Variants in RFX3 observed in about 807,000 individuals in gnomAD.
RFX3 encodes the protein regulatory factor X3, also known as transcription factor RFX3.
Under a neutral mutation model 98.6 loss-of-function variants are expected in RFX3, and 14 were observed. The ratio of observed to expected loss-of-function variants is 0.14; its 90% confidence interval spans 0.09 to 0.22. The LOEUF (loss-of-function observed/expected upper bound fraction) is 0.22, where lower values mean the gene tolerates loss of function less well. Ranked by LOEUF, RFX3 falls within the 10% of genes least tolerant of loss-of-function variation. The pLI is 1.00. For missense variants in RFX3, 639 were observed against 926.9 expected, an observed-to-expected ratio of 0.69 and a Z score of 4.03; for synonymous variants, 383 against 328.4, an observed-to-expected ratio of 1.17 and a Z score of -1.80.
At chr9:3,520,991 TA>T (rs1389500614) in intron 1 of RFX3, among the ~76,000 whole-genome samples, 2 of 152,210 alleles carry the variant, frequency 1.3e-5, no homozygotes, top group African/African-American at 4.8e-5. Context: ...ATTATCTAGA[TA>T]ATGTCAATAC....
chr9:3,298,421 G>T (rs1828258190), intron 5 of RFX3, among the ~76,000 whole-genome samples: 1 of 151,752 alleles, frequency 6.6e-6, no homozygotes, highest in Non-Finnish European at 1.5e-5. Context: ...AGGCATCCTA[G>T]AATTCCTAAA....
Position 3,395,489 on chromosome 9 carries a change from C to T in RFX3, c.100G>A (p.Val34Ile), listed in dbSNP as rs1451726220. 6.2e-7 allele frequency: 1 copy of T among 1,614,124 alleles called. No individual in the cohort carries two copies. Among genetic ancestry groups the T allele is most frequent in the Non-Finnish European group, 8.5e-7 (1 of 1,179,972 alleles). Residue 34 changes from valine to isoleucine, a missense_variant, in exon 2 of 17, where the codon GTA becomes ATA. Val to Ile is a conservative substitution (Grantham distance 29). Around this residue, in one of 9 missense-constraint regions of RFX3, gnomAD observed 210 missense variants for 197.7 expected, o/e 1.06. Coordinates refer to ENST00000617270, the MANE Select transcript of RFX3 (RefSeq NM_001282116.2). Reference protein sequence around the residue: ...AAVPTQVVQQVPVQQQVQQVQ... With the variant: ...AAVPTQVVQQIPVQQQVQQVQ... ...CTCCTTACCTGTTGTTGTACTGGTA[C>T]TTGCTGTACCACCTGCGTAGGCACT... is the stretch of plus-strand genomic sequence containing the variant.
Position 3,224,963 on chromosome 9 carries a change from T to A in RFX3, c.*79A>T. The stretch of plus-strand genomic sequence containing the variant: ...AGATAGAATTTGACAACAGTCGACC[T>A]TCAGGCTTATTAAATTTTCAACTTA... On this transcript the variant is annotated 3_prime_UTR_variant, in exon 17 of 17. Transcript: ENST00000617270. 2.8e-6 allele frequency: 4 copies of A among 1,406,796 alleles called. No homozygotes were observed. The highest frequency in any genetic ancestry group is 4.0e-6 in the Non-Finnish European group (4 of 1,009,962). 87.1% of individuals were successfully genotyped at this position (1,406,796 alleles called of 1,614,324 possible). A position where few individuals can be genotyped will look rare whatever the true frequency, so the allele number is the denominator to read the frequency against.
chr9:3,504,801 T>A lies in RFX3; in HGVS notation c.-9+20946A>T, dbSNP rs190525437. On this transcript the variant is annotated intron_variant, in intron 1 of 16. Coordinates refer to ENST00000617270, the MANE Select transcript of RFX3 (RefSeq NM_001282116.2). ...ATTGTATATAAAATATATATTATAT[T>A]ATATATAAAATATATATTATATATA... Among the ~76,000 whole-genome samples, 490 of 73,630 alleles carry A rather than the reference T, an allele frequency of 6.7e-3. 2 individuals carry two copies. The highest frequency in any genetic ancestry group is 0.011 in the Non-Finnish European group (418 of 38,330). 48.3% of individuals were successfully genotyped at this position (73,630 alleles called of 152,430 possible). A position where few individuals can be genotyped will look rare whatever the true frequency, so the allele number is the denominator to read the frequency against.
At chr9:3,303,086 C>G (rs1381230890) in intron 4 of RFX3, among the ~76,000 whole-genome samples, 1 of 151,790 alleles carries the variant, frequency 6.6e-6, no homozygotes, top group Non-Finnish European at 1.5e-5. Flanking sequence ...TAATCATTCT[C>G]TTCTAAGAAA....
At chr9:3,247,063 T>C (rs2130942482) in intron 15 of RFX3, 17 of 983,104 alleles carry the variant, frequency 1.7e-5, no homozygotes, top group Middle Eastern at 5.2e-4. Context: ...TTTATTTATA[T>C]AAGCACATAC....
At chr9:3,430,293 A>C (rs1844531462) in intron 1 of RFX3, among the ~76,000 whole-genome samples, 1 of 152,204 alleles carries the variant, frequency 6.6e-6, no homozygotes, top group South Asian at 2.1e-4. Context: ...CAATCTCCTT[A>C]AATCTCTTTG....
chr9:3,492,754 G>T (rs1228478345), intron 1 of RFX3, among the ~76,000 whole-genome samples: 2 of 152,114 alleles, frequency 1.3e-5, no homozygotes, highest in Non-Finnish European at 2.9e-5. Context: ...CTATGCTCTA[G>T]AACAGAACTG....
At chr9:3,295,896 T>C (rs958091332) in intron 5 of RFX3, among the ~76,000 whole-genome samples, 6 of 152,076 alleles carry the variant, frequency 3.9e-5, no homozygotes, top group Non-Finnish European at 7.4e-5. Flanking sequence ...GATGTAATTT[T>C]AGTCTGATAA....
chr9:3,425,420 T>C (rs960326336), intron 1 of RFX3, among the ~76,000 whole-genome samples: 2 of 152,314 alleles, frequency 1.3e-5, no homozygotes, highest in South Asian at 2.1e-4. Context: ...TTGAAAAACA[T>C]TGTTCTTTAG....
chr9:3,364,562 T>C (rs1836827329), intron 2 of RFX3: 2 of 166,150 alleles, frequency 1.2e-5, no homozygotes, highest in South Asian at 2.9e-4. Flanking sequence ...TGGCATATCT[T>C]GGTTGATGCC....
At chr9:3,472,145 A>C (rs1340495223) in intron 1 of RFX3, among the ~76,000 whole-genome samples, 2 of 152,220 alleles carry the variant, frequency 1.3e-5, no homozygotes, top group Non-Finnish European at 2.9e-5. Context: ...TAGAAAGGTC[A>C]CTGTTGTCAA....
Position 3,381,217 on chromosome 9 carries a change from CA to C in RFX3, c.117+14254del, listed in dbSNP as rs202023874. Among the ~76,000 whole-genome samples the C allele has an allele frequency of 1.6e-3, 247 of 151,780 alleles. 2 individuals are homozygous for C. Among genetic ancestry groups the C allele is most frequent in the Admixed American group, 0.013 (198 of 15,244 alleles). On this transcript the variant is annotated intron_variant, in intron 2 of 16. Coordinates refer to ENST00000617270, the MANE Select transcript of RFX3 (RefSeq NM_001282116.2). ...AAAAACCTTGAAAATAAGCCCAAAA[CA>C]AAGACCAAAAAAAATTCCCAAAATT...
intron 2 of RFX3, among the ~76,000 whole-genome samples, chr9:3,387,798 C>T (rs554919850): frequency 3.9e-4 from 59 of 152,162 alleles, no homozygotes; most frequent in Middle Eastern, 3.4e-3. Context: ...GCCTTTGTTT[C>T]AGCTGATTAT....
At chr9:3,354,203 T>G (rs911285070) in intron 2 of RFX3, among the ~76,000 whole-genome samples, 5 of 151,954 alleles carry the variant, frequency 3.3e-5, no homozygotes, top group Admixed American at 2.0e-4. Flanking sequence ...GACAGAGAAG[T>G]AACAGAAAAC....
At chr9:3,281,289 C>A (rs999367898) in intron 7 of RFX3, among the ~76,000 whole-genome samples, 2 of 150,940 alleles carry the variant, frequency 1.3e-5, no homozygotes, top group Non-Finnish European at 3.0e-5. Context: ...AAAATAATCA[C>A]CATAAACTTT....
At chr9:3,394,922 C>G (rs1208952597) in intron 2 of RFX3, 34 of 711,396 alleles carry the variant, frequency 4.8e-5, no homozygotes, top group Non-Finnish European at 5.9e-5. Context: ...ATGATGAATT[C>G]ACTCCCAACT....
chr9:3,293,879 T>C (rs940075321), intron 5 of RFX3, among the ~76,000 whole-genome samples: 2 of 152,196 alleles, frequency 1.3e-5, no homozygotes, highest in African/African-American at 4.8e-5. Context: ...GCAAAGAGTT[T>C]ACATGTAATG....
intron 1 of RFX3, among the ~76,000 whole-genome samples, chr9:3,452,661 T>C (rs1846764414): frequency 6.6e-6 from 1 of 152,188 alleles, no homozygotes; most frequent in Non-Finnish European, 1.5e-5. Context: ...TGTGGGGGAA[T>C]AGGAGGCTGG....
Sources: allele counts gnomAD v4.1 joint callset (sites outside exome capture counted in the v4.1 genomes callset), GRCh38; gene constraint gnomAD v4.1.1; regional missense constraint gnomAD v4.1.1; transcripts MANE v1.5; gene names NCBI Gene and HGNC (gene_info 2026-07-23, HGNC 2026-07-21).